KCNIP1: variants seen among roughly 807,000 people sequenced by gnomAD.
KCNIP1 encodes the protein A-type potassium channel modulatory protein KCNIP1.
In KCNIP1, 18 loss-of-function variants were observed where a neutral mutation model predicts 33.0. The ratio of observed to expected loss-of-function variants is 0.55; its 90% CI spans 0.38 to 0.81. The LOEUF (loss-of-function observed/expected upper bound fraction) is 0.81, where lower values mean the gene tolerates loss of function less well. Ranked by LOEUF, KCNIP1 falls within the 30% of genes least tolerant of loss-of-function variation. KCNIP1 has a pLI of 0.00. For missense variants in KCNIP1, 238 were observed against 271.6 expected (o/e 0.88, Z 0.87); for synonymous variants, 93 against 98.3 (o/e 0.95, Z 0.32).
rs148165078 is a variant in KCNIP1, at chr5:170,425,649, C to T, written c.88+71685C>T. On this transcript the variant is annotated intron_variant, in intron 1 of 7. Transcript: ENST00000377360. ...TTTTGGCTGGAGAGAGACTTGGGCACAGTTCTTGAATTGGCTGCAACTCCA... is the reference window on the plus strand; with the variant it reads ...TTTTGGCTGGAGAGAGACTTGGGCATAGTTCTTGAATTGGCTGCAACTCCA... 2.8e-3 allele frequency among the ~76,000 whole-genome samples: 422 copies of T among 152,320 alleles called. 1 individual carries two copies. The highest frequency in any genetic ancestry group is 3.5e-3 in the Non-Finnish European group (238 of 68,028).
At chr5:170,517,919 T>TGGTGAC (rs1755207611) in intron 1 of KCNIP1, among the ~76,000 whole-genome samples, 1 of 150,046 alleles carries the variant, frequency 6.7e-6, no homozygotes, top group African/African-American at 2.5e-5. Flanking sequence ...ATGGAGGCGG[T>TGGTGAC]GATGGTGATA....
chr5:170,716,372 AT>A (rs1463431458), intron 1 of KCNIP1, among the ~76,000 whole-genome samples: 1 of 152,332 alleles, frequency 6.6e-6, no homozygotes, highest in East Asian at 1.9e-4. Flanking sequence ...TTAAATTACA[AT>A]TCTTACTATA....
At chr5:170,482,657 T>A (rs1757001826) in intron 1 of KCNIP1, among the ~76,000 whole-genome samples, 1 of 152,168 alleles carries the variant, frequency 6.6e-6, no homozygotes, top group Admixed American at 6.5e-5. Context: ...ATGTAATTTG[T>A]CTTTGCTGAG....
intron 1 of KCNIP1, among the ~76,000 whole-genome samples, chr5:170,658,805 T>C (rs1761366189): frequency 6.6e-6 from 1 of 152,130 alleles, no homozygotes; most frequent in South Asian, 2.1e-4. Flanking sequence ...TTTGAGACGG[T>C]CACTGCAAGA....
At chr5:170,633,172 G>A (rs1455638201) in intron 1 of KCNIP1, among the ~76,000 whole-genome samples, 1 of 152,126 alleles carries the variant, frequency 6.6e-6, no homozygotes, top group Non-Finnish European at 1.5e-5. Flanking sequence ...CCAGGGGCTT[G>A]GGCGGTGTGG....
chr5:170,666,224 T>C (rs570901203), intron 1 of KCNIP1, among the ~76,000 whole-genome samples: 4 of 152,344 alleles, frequency 2.6e-5, no homozygotes, highest in Admixed American at 6.5e-5. Flanking sequence ...CCAATAGTAT[T>C]TTACTTCTTT....
intron 1 of KCNIP1, among the ~76,000 whole-genome samples, chr5:170,531,971 T>C (rs1755805336): frequency 6.6e-6 from 1 of 152,174 alleles, no homozygotes; most frequent in Non-Finnish European, 1.5e-5. Flanking sequence ...TCTTTCAACT[T>C]CTTCTCTCAC....
chr5:170,590,660 C>A (rs4374772), intron 1 of KCNIP1, among the ~76,000 whole-genome samples: 10 of 152,018 alleles, frequency 6.6e-5, no homozygotes, highest in South Asian at 6.2e-4. Context: ...TAACTCTGAC[C>A]ATTCCTGGGA....
intron 1 of KCNIP1, among the ~76,000 whole-genome samples, chr5:170,564,195 G>GT (rs1757131204): frequency 6.6e-6 from 1 of 152,080 alleles, no homozygotes; most frequent in South Asian, 2.1e-4. Flanking sequence ...CTATAATTAT[G>GT]TTTTTAAGGT....
At chr5:170,683,176 A>C (rs1026132200) in intron 1 of KCNIP1, among the ~76,000 whole-genome samples, 1 of 152,362 alleles carries the variant, frequency 6.6e-6, no homozygotes, top group Admixed American at 6.5e-5. Context: ...AAAGAAGGGA[A>C]TTAACATTTA....
chr5:170,451,349 T>C (rs946303265), intron 1 of KCNIP1, among the ~76,000 whole-genome samples: 3 of 152,182 alleles, frequency 2.0e-5, no homozygotes, highest in Admixed American at 6.5e-5. Flanking sequence ...GAATGATTCC[T>C]ACTGCCTGAT....
chr5:170,474,528 A>T (rs1756807460), intron 1 of KCNIP1, among the ~76,000 whole-genome samples: 1 of 152,226 alleles, frequency 6.6e-6, no homozygotes, highest in Non-Finnish European at 1.5e-5. Context: ...TTGGTCTATG[A>T]GAGAAGTCAG....
At position 170,520,258 on chromosome 5, in the gene KCNIP1, A is replaced by G. The variant is rs976500407; in HGVS notation, c.61+15625A>G. On this transcript the variant is annotated intron_variant, in intron 1 of 7. Transcript: ENST00000328939. ...TTTAGAGACAAGAAAACTGAAGCTC[A>G]GAGAAAAGAAGTGATGACCAGCCCA... Among the ~76,000 whole-genome samples, 12 of 152,218 alleles carry G rather than the reference A, an allele frequency of 7.9e-5. 1 individual carries two copies. Among genetic ancestry groups the G allele is most frequent in the Admixed American group, 2.6e-4 (4 of 15,284 alleles).
intron 1 of KCNIP1, among the ~76,000 whole-genome samples, chr5:170,591,887 C>A (rs779247991): frequency 1.4e-4 from 22 of 152,200 alleles, no homozygotes; most frequent in Non-Finnish European, 3.1e-4. Flanking sequence ...TGCTATTGTG[C>A]ATAATGCTGC....
chr5:170,362,249 A>G (rs60695701), intron 1 of KCNIP1, among the ~76,000 whole-genome samples: 3,444 of 152,238 alleles, frequency 0.023, 114 homozygotes, highest in African/African-American at 0.077. Flanking sequence ...CATAGCCACA[A>G]CTGGAAGCCT....
Position 170,605,674 on chromosome 5 carries a change from TG to T in KCNIP1, c.61+101042del, listed in dbSNP as rs1218476977. 9.8e-5 allele frequency among the ~76,000 whole-genome samples: 15 copies of T among 152,290 alleles called. No individual in the cohort carries two copies. The East Asian group carries it at 2.9e-3, about 29-fold the overall frequency. On this transcript the variant is annotated intron_variant, in intron 1 of 7. Coordinates refer to ENST00000328939, the MANE Select transcript of KCNIP1 (RefSeq NM_014592.4). ...CTGGATATTTCATTTAAAGGCATCG[TG>T]CAATATGTGGCCTTTTGTGCCTGGC...
chr5:170,693,288 G>A (rs968188496), intron 1 of KCNIP1, among the ~76,000 whole-genome samples: 4 of 152,192 alleles, frequency 2.6e-5, no homozygotes, highest in Admixed American at 6.5e-5. Context: ...TCAAGATGGA[G>A]CCAGGCTGAC....
chr5:170,470,749 G>A (rs6891322), intron 1 of KCNIP1, among the ~76,000 whole-genome samples: 1 of 152,098 alleles, frequency 6.6e-6, no homozygotes, highest in African/African-American at 2.4e-5. Flanking sequence ...ATTTTTCAGT[G>A]TTGTGATGGG....
intron 1 of KCNIP1, among the ~76,000 whole-genome samples, chr5:170,700,865 A>G (rs1763072323): frequency 1.3e-5 from 2 of 152,310 alleles, no homozygotes; most frequent in Middle Eastern, 3.4e-3. Context: ...AAGGAGGAGG[A>G]CCAGAAATTG....
Sources: allele counts gnomAD v4.1 joint callset (sites outside exome capture counted in the v4.1 genomes callset), GRCh38; gene constraint gnomAD v4.1.1; transcripts MANE v1.5; gene names NCBI Gene and HGNC (gene_info 2026-07-23, HGNC 2026-07-21).